Variants in PXDNL observed in about 807,000 individuals in gnomAD.
PXDNL encodes the protein probable oxidoreductase PXDNL.
In PXDNL, 145 loss-of-function variants were observed where a neutral mutation model predicts 150.8. The observed-to-expected ratio is 0.96, with a 90% CI of 0.84 to 1.10. The LOEUF is 1.10. Among genes scored for constraint, PXDNL ranks in the 50% least tolerant of loss-of-function variants. The probability of loss-of-function intolerance (pLI) is 0.00; values close to 1 mark genes in which losing one functional copy is unlikely to be tolerated. For synonymous variants in PXDNL, 757 were observed against 725.7 expected, an observed-to-expected ratio of 1.04 and a Z score of -0.69; for missense variants, 2,087 against 1,873.9, an observed-to-expected ratio of 1.11 and a Z score of -2.10.
At chr8:51,476,013 C>T (rs1319175658) in intron 6 of PXDNL, among the ~76,000 whole-genome samples, 1 of 152,190 alleles carries the variant, frequency 6.6e-6, no homozygotes, top group African/African-American at 2.4e-5. Context: ...GGGAGAATCA[C>T]TTGAGCCCAG....
chr8:51,618,718 T>C (rs1485174755), intron 2 of PXDNL, among the ~76,000 whole-genome samples: 1 of 152,236 alleles, frequency 6.6e-6, no homozygotes, highest in African/African-American at 2.4e-5. Context: ...TTTTGTGCTC[T>C]GCACTCATGC....
At chr8:51,334,759 G>GA (rs923888132) in intron 21 of PXDNL, among the ~76,000 whole-genome samples, 9 of 152,030 alleles carry the variant, frequency 5.9e-5, no homozygotes, top group African/African-American at 2.2e-4. Context: ...CCATCCAGAA[G>GA]AAAAAATGTT....
chr8:51,582,113 G>A (rs1054944808), intron 3 of PXDNL, among the ~76,000 whole-genome samples: 29 of 152,114 alleles, frequency 1.9e-4, no homozygotes, highest in African/African-American at 7.0e-4. Context: ...TTCATATGTT[G>A]AAGCTCTAAC....
intron 4 of PXDNL, among the ~76,000 whole-genome samples, chr8:51,515,239 T>C (rs1301120949): frequency 1.3e-5 from 2 of 151,980 alleles, no homozygotes; most frequent in African/African-American, 4.8e-5. Context: ...AGGGGCTCAG[T>C]GGAAGAGAGC....
chr8:51,407,760 C>T (rs1052761931), intron 17 of PXDNL, among the ~76,000 whole-genome samples: 1 of 152,070 alleles, frequency 6.6e-6, no homozygotes. Context: ...AACAAAAGGG[C>T]CTTGCTTGGA....
chr8:51,744,706 G>A (rs1394936769), intron 1 of PXDNL, among the ~76,000 whole-genome samples: 41 of 78,492 alleles, frequency 5.2e-4, no homozygotes, highest in South Asian at 1.4e-3. Flanking sequence ...AGGAAGGAAA[G>A]AAAGAAAGAA....
intron 4 of PXDNL, among the ~76,000 whole-genome samples, chr8:51,533,573 C>G (rs371879616): frequency 0.03 from 4,276 of 143,956 alleles, 250 homozygotes; most frequent in African/African-American, 0.11. Flanking sequence ...GCTGCCATCT[C>G]GGCTCACTGC....
chr8:51,727,012 C>A lies in PXDNL; in HGVS notation c.165-72252G>T, dbSNP rs143049598. The stretch of plus-strand genomic sequence containing the variant: ...TCATGGTCCTTGGCGGGCCTCCCTC[C>A]ATGGCCAAGAGTGTGAAGCATATCT... On this transcript the variant is annotated intron_variant, in intron 1 of 22. Transcript: ENST00000356297. Among the ~76,000 whole-genome samples the A allele has an allele frequency of 3.6e-3, 547 of 152,292 alleles. 5 individuals carry two copies. The highest frequency in any genetic ancestry group is 0.012 in the African/African-American group (519 of 41,566).
chr8:51,739,404 T>A (rs2130949693), intron 1 of PXDNL, among the ~76,000 whole-genome samples: 1 of 152,194 alleles, frequency 6.6e-6, no homozygotes, highest in African/African-American at 2.4e-5. Flanking sequence ...GTATCAGAAG[T>A]TCTAGACAGT....
rs773366554 is a variant in PXDNL, at chr8:51,409,044, CATG to C, written c.2577_2579del (p.Cys859_Met860delinsTrp). 6.2e-7 allele frequency: 1 copy of C among 1,610,234 alleles called. No individual in the cohort carries two copies. On this transcript the variant is annotated inframe_deletion, in exon 17 of 23. Transcript: ENST00000356297. Reference sequence around the variant, plus strand: ...ACGCGGGGCTGGAGCGCGCGAAGAGCATGCAGGGCGCGTGGGTGCCCCGGGGGT... The same window carrying C: ...ACGCGGGGCTGGAGCGCGCGAAGAGCCAGGGCGCGTGGGTGCCCCGGGGGT...
At chr8:51,586,168 C>T (rs1813317537) in intron 3 of PXDNL, among the ~76,000 whole-genome samples, 1 of 152,180 alleles carries the variant, frequency 6.6e-6, no homozygotes, top group Non-Finnish European at 1.5e-5. Context: ...CACTAGCAAA[C>T]ATGACAGAAG....
intron 3 of PXDNL, among the ~76,000 whole-genome samples, chr8:51,560,595 G>T (rs1240018592): frequency 2.6e-5 from 4 of 151,848 alleles, no homozygotes; most frequent in Admixed American, 2.6e-4. Flanking sequence ...GGGAAAACTA[G>T]CTCTCCACAT....
intron 1 of PXDNL, among the ~76,000 whole-genome samples, chr8:51,775,493 G>A (rs1010953965): frequency 9.9e-5 from 15 of 152,166 alleles, no homozygotes; most frequent in African/African-American, 3.1e-4. Context: ...TGAACGGAGG[G>A]ACTAGCTGAA....
chr8:51,767,414 T>C (rs4292675), intron 1 of PXDNL, among the ~76,000 whole-genome samples: 27,145 of 152,004 alleles, frequency 0.18, 2,797 homozygotes, highest in Non-Finnish European at 0.22. Flanking sequence ...TTGTAAAGTC[T>C]GTATTCTTTG....
intron 10 of PXDNL, among the ~76,000 whole-genome samples, 173 bp from the exon 11 acceptor site, chr8:51,449,291 C>T (rs551336598): frequency 1.3e-5 from 2 of 152,194 alleles, no homozygotes; most frequent in East Asian, 1.9e-4. Context: ...TGCCTGTTTG[C>T]AAGGAAGCCA....
chr8:51,582,096 CT>C (rs1813223433), intron 3 of PXDNL, among the ~76,000 whole-genome samples: 1 of 152,050 alleles, frequency 6.6e-6, no homozygotes, highest in African/African-American at 2.4e-5. Flanking sequence ...ATTGCATCAC[CT>C]CAAAATTCAT....
intron 1 of PXDNL, among the ~76,000 whole-genome samples, chr8:51,739,617 G>A (rs6995906): frequency 0.077 from 11,786 of 152,186 alleles, 522 homozygotes; most frequent in African/African-American, 0.12. Context: ...TCTCACGCCT[G>A]TAATCCCAGC....
At chr8:51,472,077 A>G (rs1810350330) in intron 8 of PXDNL, 110 bp downstream of exon 8, 3 of 653,630 alleles carry the variant, frequency 4.6e-6, no homozygotes, top group Admixed American at 5.6e-5. Context: ...TCTTTAAGAA[A>G]CTCTGAAAAT....
intron 17 of PXDNL, among the ~76,000 whole-genome samples, chr8:51,378,581 G>C (rs1270573937): frequency 6.6e-6 from 1 of 152,214 alleles, no homozygotes; most frequent in African/African-American, 2.4e-5. Context: ...CCACTCTGTG[G>C]AAGATTTGTT....
Sources: allele counts gnomAD v4.1 joint callset (sites outside exome capture counted in the v4.1 genomes callset), GRCh38; gene constraint gnomAD v4.1.1; transcripts MANE v1.5; gene names NCBI Gene and HGNC (gene_info 2026-07-23, HGNC 2026-07-21).